CEP126: variants seen among roughly 807,000 people sequenced by gnomAD.
The protein encoded by CEP126 is centrosomal protein of 126 kDa.
CEP126 carries 74 observed loss-of-function variants against 107.8 expected under a neutral mutation model. That is an observed-to-expected ratio of 0.69 (90% CI 0.57 to 0.83). CEP126 has a LOEUF of 0.83. CEP126 is among the 40% of genes least tolerant of loss of function. CEP126 has a pLI of 0.00. For missense variants in CEP126, 1,237 were observed against 1,281.9 expected (o/e 0.96, Z 0.53); for synonymous variants, 449 against 446.0 (o/e 1.01, Z -0.08).
At chr11:101,978,320 T>C in intron 6 of CEP126, 27 bp from the exon 7 acceptor site, 1 of 1,499,098 alleles carries the variant, frequency 6.7e-7, no homozygotes, top group Non-Finnish European at 9.2e-7. Flanking sequence ...AGCATAATTT[T>C]TAACATTGTG....
chr11:101,963,336 A>G lies in CEP126; in HGVS notation c.2301A>G (p.Ser767=). The G allele has an allele frequency of 6.2e-7, 1 of 1,613,910 alleles. No homozygotes were observed. Among genetic ancestry groups the G allele is most frequent in the Non-Finnish European group, 8.5e-7 (1 of 1,179,986 alleles). ...AACCAGGATCTGCAAAAGTCCAATC[A>G]GGCTTTATATGTACAAACAGAAAAG... ...IRKPGSAKVQ[S]GFICTNRKGA... is the part of the protein sequence containing the mutation. The change falls in exon 6 of 11, where the codon TCA becomes TCG. Residue 767 remains serine (S), a synonymous_variant. Coordinates refer to ENST00000263468, the MANE Select transcript of CEP126 (RefSeq NM_020802.4).
rs1940926626 is a variant in CEP126 at position 101,958,279 on chromosome 11, A to G, written c.618A>G (p.Ala206=). ...AAGAAATGAATGAAAACATGAGGGCAACCTTGGCTACTAGCAAAAATGTGT... is the reference window on the plus strand; with the variant it reads ...AAGAAATGAATGAAAACATGAGGGCGACCTTGGCTACTAGCAAAAATGTGT... The part of the protein sequence containing the change: ...CEKEMNENMR[A]TLATSKNVFQ... The change falls in exon 5 of 11, where the codon GCA becomes GCG. Residue 206 remains alanine (A), a synonymous_variant. Transcript: ENST00000263468. 1 of 1,614,084 alleles carries G rather than the reference A, an allele frequency of 6.2e-7. No individual in the cohort carries two copies. Among genetic ancestry groups the G allele is most frequent in the African/African-American group, 1.3e-5 (1 of 75,074 alleles).
intron 2 of CEP126, among the ~76,000 whole-genome samples, chr11:101,932,769 C>T (rs1940520754): frequency 6.6e-6 from 1 of 152,112 alleles, no homozygotes; most frequent in South Asian, 2.1e-4. Flanking sequence ...GGCTCCCTAT[C>T]TCAAACTGGA....
rs557217282 is a variant in CEP126 at position 101,961,197 on chromosome 11, AT to A, written c.706-540del. Among the ~76,000 whole-genome samples the A allele has an allele frequency of 3.1e-4, 47 of 152,116 alleles. No homozygotes were observed. In the East Asian group the frequency reaches 8.5e-3, roughly 27 times the overall value. On this transcript the variant is annotated intron_variant, in intron 5 of 10. Transcript: ENST00000263468. ...AAATCAGCAGGACCCAGGTATAGATATTTTACACAGTTCTTTATGTGATTTT... is the reference window on the plus strand; with the variant it reads ...AAATCAGCAGGACCCAGGTATAGATATTTACACAGTTCTTTATGTGATTTT...
intron 6 of CEP126, among the ~76,000 whole-genome samples, chr11:101,972,929 G>C (rs1215991130): frequency 6.6e-6 from 1 of 152,278 alleles, no homozygotes; most frequent in East Asian, 1.9e-4. Flanking sequence ...TTTTATCTGT[G>C]TTCTTCTGGG....
intron 2 of CEP126, among the ~76,000 whole-genome samples, chr11:101,943,633 G>T (rs539400748): frequency 6.6e-6 from 1 of 151,938 alleles, no homozygotes; most frequent in South Asian, 2.1e-4. Flanking sequence ...CAAGTGTCTG[G>T]GGGCAATCAG....
At chr11:101,978,536 G>C in intron 7 of CEP126, 77 bp downstream of exon 7, 1 of 885,824 alleles carries the variant, frequency 1.1e-6, no homozygotes, top group South Asian at 1.5e-5. Flanking sequence ...AAAGGACTAT[G>C]CTCTTGCTGT....
chr11:101,960,225 G>C (rs1291456916), intron 5 of CEP126, among the ~76,000 whole-genome samples: 2 of 152,084 alleles, frequency 1.3e-5, no homozygotes, highest in East Asian at 3.8e-4. Flanking sequence ...TCATTATTTA[G>C]TGGTGGGAAA....
rs1565356112 is a variant in CEP126 at position 101,948,015 on chromosome 11, TTTA to T, written c.395-11_395-9del. Reference sequence around the variant, plus strand: ...TAAAGTGATTCTGTACTGTTCGGTCTTTATTATCTCTTTAGTTTCCCGAAAACC... The same window carrying T: ...TAAAGTGATTCTGTACTGTTCGGTCTTTATCTCTTTAGTTTCCCGAAAACC... On this transcript the variant is annotated splice_polypyrimidine_tract_variant and intron_variant, in intron 3 of 10. Transcript: ENST00000263468. The T allele has an allele frequency of 6.7e-7, 1 of 1,495,930 alleles. No individual in the cohort carries two copies. Among genetic ancestry groups the T allele is most frequent in the Non-Finnish European group, 9.3e-7 (1 of 1,076,024 alleles). 92.7% of individuals were successfully genotyped at this position (1,495,930 alleles called of 1,614,324 possible). A position where few individuals can be genotyped will look rare whatever the true frequency, so the allele number is the denominator to read the frequency against.
chr11:101,928,739 T>G (rs1940447912), intron 2 of CEP126, among the ~76,000 whole-genome samples: 3 of 152,196 alleles, frequency 2.0e-5, no homozygotes, highest in African/African-American at 7.2e-5. Flanking sequence ...TATTCTGTTC[T>G]TTTTGTGTCT....
chr11:101,953,690 G>T (rs141311412), intron 4 of CEP126, among the ~76,000 whole-genome samples: 2 of 152,302 alleles, frequency 1.3e-5, no homozygotes, highest in East Asian at 3.9e-4. Flanking sequence ...TAGGTAATTA[G>T]TTAACCACAA....
At chr11:101,994,535 A>AT (rs1565372138) in intron 10 of CEP126, among the ~76,000 whole-genome samples, 1 of 151,944 alleles carries the variant, frequency 6.6e-6, no homozygotes, top group Non-Finnish European at 1.5e-5. Flanking sequence ...TCTTGAGTTG[A>AT]TGTTTTTGTG....
chr11:101,918,494 C>T (rs1163072755), intron 1 of CEP126, among the ~76,000 whole-genome samples: 3 of 152,060 alleles, frequency 2.0e-5, no homozygotes, highest in Non-Finnish European at 4.4e-5. Flanking sequence ...CATAATAAAA[C>T]ATAGTTTTGT....
chr11:101,956,081 C>G (rs573073042), intron 4 of CEP126: 1 of 456,720 alleles, frequency 2.2e-6, no homozygotes, highest in African/African-American at 2.0e-5. Context: ...TCTACCAGCA[C>G]CAATTCCTTC....
At chr11:101,965,996 A>T (rs1239339734) in intron 6 of CEP126, among the ~76,000 whole-genome samples, 1 of 152,208 alleles carries the variant, frequency 6.6e-6, no homozygotes, top group East Asian at 1.9e-4. Context: ...ACAAAAGGGT[A>T]ACATATTAAA....
Position 101,958,245 on chromosome 11 carries a change from A to G in CEP126, c.584A>G (p.Asn195Ser), listed in dbSNP as rs1940925940. 2 of 1,614,014 alleles carry G rather than the reference A, an allele frequency of 1.2e-6. No individual in the cohort carries two copies. The highest frequency in any genetic ancestry group is 1.3e-5 in the African/African-American group (1 of 75,058). The change falls in exon 5 of 11, where the codon AAT becomes AGT. Residue 195 changes from asparagine (N) to serine (S), a missense_variant. Asn to Ser is a conservative substitution (Grantham distance 46). Coordinates refer to ENST00000263468, the MANE Select transcript of CEP126 (RefSeq NM_020802.4). ...KHQKQLLSKI[N>S]CEKEMNENMR... ...CAGAAACAACTCTTATCCAAAATCAATTGTGAGAAAGAAATGAATGAAAAC... is the reference window on the plus strand; with the variant it reads ...CAGAAACAACTCTTATCCAAAATCAGTTGTGAGAAAGAAATGAATGAAAAC...
chr11:101,981,749 TA>T (rs1340914453), intron 7 of CEP126, 139 bp from the exon 8 acceptor site: 3 of 532,384 alleles, frequency 5.6e-6, no homozygotes, highest in African/African-American at 4.0e-5. Flanking sequence ...TATTCAGCTC[TA>T]AAAAATGTAA....
intron 2 of CEP126, 145 bp from the exon 3 acceptor site, chr11:101,944,120 A>G (rs1251759327): frequency 7.4e-6 from 5 of 677,758 alleles, no homozygotes; most frequent in Non-Finnish European, 1.2e-5. Flanking sequence ...TTTGGCAAAC[A>G]CCTGTTTTAA....
intron 6 of CEP126, among the ~76,000 whole-genome samples, chr11:101,967,217 G>C (rs973051866): frequency 7.9e-5 from 12 of 151,616 alleles, no homozygotes; most frequent in African/African-American, 2.7e-4. Context: ...GGGTCTCCCT[G>C]TGTTACCCAG....
Sources: gnomAD v4.1 joint callset for allele counts (sites outside exome capture counted in the v4.1 genomes callset) on GRCh38, gnomAD v4.1.1 for gene constraint, MANE v1.5 for transcripts, NCBI Gene and HGNC (gene_info 2026-07-23, HGNC 2026-07-21) for gene names.